RALGAPA2: variants seen among roughly 807,000 people sequenced by gnomAD.
RALGAPA2 encodes Ral GTPase activating protein catalytic subunit alpha 2.
Under a neutral mutation model 230.4 loss-of-function variants are expected in RALGAPA2, and 139 were observed. That is an observed-to-expected ratio of 0.60 (90% CI 0.53 to 0.69). The LOEUF (loss-of-function observed/expected upper bound fraction) is 0.69, where lower values mean the gene tolerates loss of function less well. Among genes scored for constraint, RALGAPA2 ranks in the 30% least tolerant of loss-of-function variants. The pLI is 0.00. For synonymous variants in RALGAPA2, 847 were observed against 837.8 expected (o/e 1.01, Z -0.19); for missense variants, 2,163 against 2,276.0 (o/e 0.95, Z 1.01).
chr20:20,659,790 A>T, intron 3 of RALGAPA2: 1 of 907,328 alleles, frequency 1.1e-6, no homozygotes, highest in Non-Finnish European at 1.7e-6. Context: ...AGAAAGATGG[A>T]GAGAAGGAAA....
intron 37 of RALGAPA2, among the ~76,000 whole-genome samples, chr20:20,439,862 G>T (rs1207497041): frequency 6.6e-6 from 1 of 152,112 alleles, no homozygotes; most frequent in East Asian, 1.9e-4. Flanking sequence ...TGTGCTAATG[G>T]GATGAAGCAT....
chr20:20,672,980 C>T (rs1434107530), intron 3 of RALGAPA2, among the ~76,000 whole-genome samples: 1 of 151,922 alleles, frequency 6.6e-6, no homozygotes, highest in Non-Finnish European at 1.5e-5. Context: ...GTCAAGAGAT[C>T]AAGACCATCC....
At chr20:20,528,106 T>A (rs1028220991) in intron 27 of RALGAPA2, among the ~76,000 whole-genome samples, 1 of 151,896 alleles carries the variant, frequency 6.6e-6, no homozygotes, top group African/African-American at 2.4e-5. Flanking sequence ...CAGGTATGGG[T>A]GGCAAGGCCC....
At chr20:20,641,666 TAA>T (rs1415573887) in intron 5 of RALGAPA2, among the ~76,000 whole-genome samples, 3 of 129,702 alleles carry the variant, frequency 2.3e-5, no homozygotes, top group African/African-American at 2.9e-5. Flanking sequence ...ATTATGTCAA[TAA>T]AAAAAAAAAA....
intron 30 of RALGAPA2, among the ~76,000 whole-genome samples, chr20:20,523,336 T>C (rs1053178273): frequency 6.6e-6 from 1 of 152,226 alleles, no homozygotes; most frequent in Admixed American, 6.5e-5. Flanking sequence ...ATATTTTAAA[T>C]GTTATAAAAA....
At chr20:20,596,060 C>CCA (rs1568625887) in intron 16 of RALGAPA2, among the ~76,000 whole-genome samples, 2 of 152,096 alleles carry the variant, frequency 1.3e-5, no homozygotes, top group South Asian at 4.2e-4. Context: ...ACAAAAAGTG[C>CCA]CAGTCCTACC....
chr20:20,536,742 A>G lies in RALGAPA2; in HGVS notation c.3328T>C (p.Cys1110Arg), dbSNP rs755853434. The G allele has an allele frequency of 2.3e-5, 37 of 1,612,916 alleles. No homozygotes were observed. In the South Asian group the frequency reaches 4.1e-4, roughly 18 times the overall value. The change falls in exon 25 of 40, where the codon TGC becomes CGC. Residue 1110 changes from cysteine (C) to arginine (R), a missense_variant. Transcript: ENST00000202677. ...EAVTVLGSLV[C>R]FPNTYQEIPL... The stretch of plus-strand genomic sequence containing the variant: ...ATCTCCTGGTAGGTATTTGGAAAGC[A>G]GACCAGAGAGCCGAGGACAGTGACA...
At position 20,552,303 on chromosome 20, in the gene RALGAPA2, A is replaced by G. The variant is rs550514609; in HGVS notation, c.3157-5471T>C. ...CTGCTTCTCAAGAGCAAACAGATCC[A>G]GTTATTCCACCTAAAGTCACTCCGT... On this transcript the variant is annotated intron_variant, in intron 23 of 39. Transcript: ENST00000202677. Among the ~76,000 whole-genome samples the G allele has an allele frequency of 3.3e-5, 5 of 152,310 alleles. 1 individual carries two copies. In the South Asian group the frequency reaches 1.0e-3, roughly 32 times the overall value.
chr20:20,638,225 G>C (rs1006720193), intron 7 of RALGAPA2, among the ~76,000 whole-genome samples: 3 of 152,204 alleles, frequency 2.0e-5, no homozygotes, highest in Non-Finnish European at 4.4e-5. Flanking sequence ...ACATGACTTA[G>C]GGAAACACAG....
At position 20,616,100 on chromosome 20, in the gene RALGAPA2, G is replaced by A. The variant is rs866857201; in HGVS notation, c.1631C>T (p.Ala544Val). The A allele has an allele frequency of 1.3e-6, 2 of 1,556,006 alleles. No homozygotes were observed. Among genetic ancestry groups the A allele is most frequent in the Non-Finnish European group, 1.7e-6 (2 of 1,149,436 alleles). ...LLKEQVDACKAVLIIFRRMIM... is the reference protein window; with the variant it reads ...LLKEQVDACKVVLIIFRRMIM... ...CATGCGCCTAAAAATAATCAAAACAGCTTTACAAGCATCAACTTGTTCTTT... is the reference window on the plus strand; with the variant it reads ...CATGCGCCTAAAAATAATCAAAACAACTTTACAAGCATCAACTTGTTCTTT... The change falls in exon 13 of 40, where the codon GCT (alanine) becomes GTT (valine). Residue 544 changes from alanine (A) to valine (V), a missense_variant. Coordinates refer to ENST00000202677, the MANE Select transcript of RALGAPA2 (RefSeq NM_020343.4).
intron 23 of RALGAPA2, among the ~76,000 whole-genome samples, chr20:20,566,872 A>G (rs1354047335): frequency 6.6e-6 from 1 of 152,242 alleles, no homozygotes; most frequent in Non-Finnish European, 1.5e-5. Context: ...TGATCCAAAT[A>G]TGTTACTTCA....
rs773812616 is a variant in RALGAPA2, at chr20:20,536,650, A to ATGTACCTTGACATCT, written c.3405_3414+5dup. 7 of 1,611,126 alleles carry ATGTACCTTGACATCT rather than the reference A, an allele frequency of 4.3e-6. No homozygotes were observed. In the African/African-American group the frequency reaches 9.3e-5, roughly 22 times the overall value. On this transcript the variant is annotated splice_donor_region_variant and intron_variant, in intron 25 of 39. Transcript: ENST00000202677. ...AACTTGAGATACAGTCAAATGCGTTATGTACCTTGACATCTTCAGTTCCTG... is the reference window on the plus strand; with the variant it reads ...AACTTGAGATACAGTCAAATGCGTTATGTACCTTGACATCTTGTACCTTGACATCTTCAGTTCCTG...
intron 39 of RALGAPA2, among the ~76,000 whole-genome samples, chr20:20,395,553 G>T (rs1037494578): frequency 2.0e-5 from 3 of 152,210 alleles, no homozygotes; most frequent in Non-Finnish European, 4.4e-5. Context: ...GCTGGGAGGG[G>T]ACTGTACAAC....
chr20:20,410,914 G>A (rs1286317277), intron 38 of RALGAPA2, among the ~76,000 whole-genome samples: 1 of 152,120 alleles, frequency 6.6e-6, no homozygotes, highest in Non-Finnish European at 1.5e-5. Context: ...TGCTGCTCCT[G>A]GCTCCCTGCG....
At chr20:20,454,969 C>T (rs2123199370) in intron 37 of RALGAPA2, among the ~76,000 whole-genome samples, 1 of 152,318 alleles carries the variant, frequency 6.6e-6, no homozygotes, top group South Asian at 2.1e-4. Context: ...AGGGCTGGTA[C>T]AAAGTCTGAG....
chr20:20,606,208 T>C (rs2065816154), intron 14 of RALGAPA2, among the ~76,000 whole-genome samples: 1 of 152,128 alleles, frequency 6.6e-6, no homozygotes, highest in Non-Finnish European at 1.5e-5. Flanking sequence ...ACCCGCTCCA[T>C]CTCCACTTCC....
At chr20:20,478,632 C>G (rs1329109283) in intron 36 of RALGAPA2, among the ~76,000 whole-genome samples, 2 of 151,642 alleles carry the variant, frequency 1.3e-5, no homozygotes, top group African/African-American at 4.8e-5. Context: ...ACATTGAGTA[C>G]TCATGGACAT....
intron 37 of RALGAPA2, among the ~76,000 whole-genome samples, chr20:20,461,019 T>C (rs997201800): frequency 1.3e-5 from 2 of 152,142 alleles, no homozygotes; most frequent in African/African-American, 2.4e-5. Flanking sequence ...ATGGGGTGGT[T>C]TATGTGAAGT....
intron 23 of RALGAPA2, among the ~76,000 whole-genome samples, chr20:20,547,757 C>T (rs940081580): frequency 3.3e-5 from 5 of 152,296 alleles, no homozygotes; most frequent in African/African-American, 1.2e-4. Context: ...AGTCGTGTCG[C>T]TTTATGATGA....
Sources: gnomAD v4.1 joint callset for allele counts (sites outside exome capture counted in the v4.1 genomes callset) on GRCh38, gnomAD v4.1.1 for gene constraint, MANE v1.5 for transcripts, NCBI Gene and HGNC (gene_info 2026-07-23, HGNC 2026-07-21) for gene names.